SANBR: variants seen among roughly 807,000 people sequenced by gnomAD.
SANBR encodes the protein SANT and BTB domain regulator of CSR.
Under a neutral mutation model 101.8 loss-of-function variants are expected in SANBR, and 77 were observed. The observed-to-expected ratio is 0.76, with a 90% CI of 0.63 to 0.91. SANBR has a LOEUF of 0.91. SANBR is among the 40% of genes least tolerant of loss of function. SANBR has a pLI of 0.00. For missense variants in SANBR, 875 were observed against 853.0 expected, an observed-to-expected ratio of 1.03 and a Z score of -0.32; for synonymous variants, 279 against 274.7, an observed-to-expected ratio of 1.02 and a Z score of -0.15.
intron 10 of SANBR, among the ~76,000 whole-genome samples, chr2:61,091,571 G>A (rs1363210366): frequency 6.8e-6 from 1 of 148,140 alleles, no homozygotes; most frequent in African/African-American, 2.5e-5. Context: ...CTCCAGCCTG[G>A]GCGAAAGAGT....
At chr2:61,108,406 T>G in intron 15 of SANBR, 57 bp downstream of exon 15, 1 of 1,128,304 alleles carries the variant, frequency 8.9e-7, no homozygotes. Context: ...AATTAAAGTT[T>G]AGTTTAATAG....
At chr2:61,136,989 AACG>A in intron 21 of SANBR, among the ~76,000 whole-genome samples, 1 of 151,078 alleles carries the variant, frequency 6.6e-6, no homozygotes, top group African/African-American at 2.5e-5. Flanking sequence ...CAACAACAAC[AACG>A]ATAATAATAA....
chr2:61,136,261 A>G (rs1573691214), intron 21 of SANBR, among the ~76,000 whole-genome samples: 1 of 150,122 alleles, frequency 6.7e-6, no homozygotes, highest in Non-Finnish European at 1.5e-5. Context: ...CCAAGATCGC[A>G]CCACTGTACT....
intron 11 of SANBR, chr2:61,094,008 CCT>C: frequency 1.3e-6 from 1 of 766,134 alleles, no homozygotes; most frequent in Non-Finnish European, 1.6e-6. Context: ...CAGTAATTTT[CCT>C]CTGTCACTTG....
intron 18 of SANBR, 30 bp from the exon 19 acceptor site, chr2:61,117,437 A>G (rs79054830): frequency 9.2e-5 from 148 of 1,612,932 alleles, no homozygotes; most frequent in Non-Finnish European, 1.1e-4. Flanking sequence ...AGAAGCATCA[A>G]TGCTGATTTT....
chr2:61,123,979 A>T lies in SANBR; in HGVS notation c.*1817A>T, dbSNP rs1138716. The T allele has an allele frequency of 3.2e-6, 1 of 314,702 alleles. No individual in the cohort carries two copies. Among genetic ancestry groups the T allele is most frequent in the Non-Finnish European group, 4.6e-6 (1 of 216,842 alleles). The allele number at this position is 314,702 out of a possible 1,614,324, so 19.5% of individuals were successfully genotyped here. A position where few individuals can be genotyped will look rare whatever the true frequency, so the allele number is the denominator to read the frequency against. On this transcript the variant is annotated 3_prime_UTR_variant, in exon 22 of 22. Transcript: ENST00000402291. ...CATGGTGGCATACACCTGTAGTCCC[A>T]GCTACTCGGGAGGCTGAGGCACAAG...
chr2:61,126,005 C>T (rs140962409), downstream of SANBR, among the ~76,000 whole-genome samples: 2 of 152,180 alleles, frequency 1.3e-5, no homozygotes, highest in South Asian at 2.1e-4. Context: ...GCAGGCAACT[C>T]GAGTGCACTT....
intron 13 of SANBR, among the ~76,000 whole-genome samples, chr2:61,105,553 A>G (rs1683515634): frequency 6.6e-6 from 1 of 151,552 alleles, no homozygotes; most frequent in Admixed American, 6.6e-5. Context: ...TTTTTAGTAG[A>G]GACAGGGTTT....
intron 11 of SANBR, among the ~76,000 whole-genome samples, chr2:61,093,700 C>G (rs1030585776): frequency 6.6e-6 from 1 of 152,090 alleles, no homozygotes; most frequent in African/African-American, 2.4e-5. Flanking sequence ...TCCAGCCAAA[C>G]TATTTTCTCT....
chr2:61,084,396 A>G (rs910172158), intron 8 of SANBR, among the ~76,000 whole-genome samples: 4 of 152,172 alleles, frequency 2.6e-5, no homozygotes, highest in Admixed American at 1.3e-4. Context: ...CCATATGAAC[A>G]TATCGTGATA....
At chr2:61,071,325 C>G (rs572786297) in intron 3 of SANBR, among the ~76,000 whole-genome samples, 1 of 152,052 alleles carries the variant, frequency 6.6e-6, no homozygotes, top group East Asian at 1.9e-4. Context: ...CCGAGGCAGG[C>G]AGATCACGAG....
At chr2:61,128,761 T>C (rs1684591418), downstream of SANBR, among the ~76,000 whole-genome samples, 1 of 152,156 alleles carries the variant, frequency 6.6e-6, no homozygotes, top group Non-Finnish European at 1.5e-5. Context: ...CCCAGAGTGC[T>C]GAGATTACTA....
intron 1 of SANBR, 75 bp from the exon 2 acceptor site, chr2:61,068,774 T>A (rs1681311471): frequency 6.6e-6 from 1 of 152,366 alleles, no homozygotes. Flanking sequence ...TAGTCCTCAC[T>A]CTTTGCCAGG....
intron 16 of SANBR, 44 bp downstream of exon 16, chr2:61,109,340 G>A: frequency 8.8e-7 from 1 of 1,135,170 alleles, no homozygotes; most frequent in Non-Finnish European, 1.3e-6. Flanking sequence ...GTTTATGAAG[G>A]GGTTACATTC....
chr2:61,136,926 C>A (rs1014370994), intron 21 of SANBR, among the ~76,000 whole-genome samples: 10 of 147,166 alleles, frequency 6.8e-5, no homozygotes, highest in Admixed American at 1.4e-4. Flanking sequence ...GCCGAGATCA[C>A]GCCACTGCAC....
chr2:61,068,193 T>A (rs1378459172), intron 1 of SANBR, among the ~76,000 whole-genome samples: 1 of 152,200 alleles, frequency 6.6e-6, no homozygotes, highest in East Asian at 1.9e-4. Flanking sequence ...CTTCCAAGAC[T>A]TTTTTCAAGT....
At chr2:61,066,933 C>G (rs994135795) in intron 1 of SANBR, among the ~76,000 whole-genome samples, 60 of 151,990 alleles carry the variant, frequency 3.9e-4, no homozygotes, top group African/African-American at 1.4e-3. Context: ...CGTATTTTAC[C>G]TTAAATATTG....
chr2:61,109,358 T>G (rs1046022624), intron 16 of SANBR, 62 bp downstream of exon 16: 1 of 927,564 alleles, frequency 1.1e-6, no homozygotes, highest in African/African-American at 1.7e-5. Flanking sequence ...TTCTGAAGCC[T>G]TTAATGCAAG....
chr2:61,071,866 T>C, intron 4 of SANBR, 74 bp downstream of exon 4: 1 of 915,428 alleles, frequency 1.1e-6, no homozygotes, highest in Non-Finnish European at 1.7e-6. Context: ...CCAATCAACT[T>C]TTCTTTCTTT....
Sources: gnomAD v4.1 joint callset for allele counts (sites outside exome capture counted in the v4.1 genomes callset) on GRCh38, gnomAD v4.1.1 for gene constraint, MANE v1.5 for transcripts, NCBI Gene and HGNC (gene_info 2026-07-23, HGNC 2026-07-21) for gene names.